DIAPH3: variants seen among roughly 807,000 people sequenced by gnomAD.
The protein encoded by DIAPH3 is protein diaphanous homolog 3.
In DIAPH3, 117 loss-of-function variants were observed where a neutral mutation model predicts 144.3. That is an observed-to-expected ratio of 0.81 (90% CI 0.70 to 0.95). The LOEUF (loss-of-function observed/expected upper bound fraction) is 0.95. Ranked by LOEUF, DIAPH3 falls within the 40% of genes least tolerant of loss-of-function variation. DIAPH3 has a pLI of 0.00. For synonymous variants in DIAPH3, 519 were observed against 488.9 expected, an observed-to-expected ratio of 1.06 and a Z score of -0.81; for missense variants, 1,421 against 1,412.7, an observed-to-expected ratio of 1.01 and a Z score of -0.09.
At position 60,139,022 on chromosome 13, in the gene DIAPH3, T is replaced by G. The variant is rs1462625191; in HGVS notation, c.181-6033A>C. 2.0e-5 allele frequency among the ~76,000 whole-genome samples: 3 copies of G among 152,318 alleles called. No individual in the cohort carries two copies. The East Asian group carries it at 5.8e-4, about 29-fold the overall frequency. On this transcript the variant is annotated intron_variant, in intron 1 of 27. Coordinates refer to ENST00000400324, the MANE Select transcript of DIAPH3 (RefSeq NM_001042517.2). ...ATAACATTTCTAGCCCACACACCTG[T>G]GTTTATCTTAACGTCAACACCAATT... is the stretch of plus-strand genomic sequence containing the variant.
chr13:60,129,156 G>A (rs2059071890), intron 2 of DIAPH3, among the ~76,000 whole-genome samples: 1 of 152,058 alleles, frequency 6.6e-6, no homozygotes, highest in Non-Finnish European at 1.5e-5. Flanking sequence ...CACACTGATG[G>A]ATAATTTAGC....
chr13:59,898,510 C>G (rs1381644090), intron 20 of DIAPH3, among the ~76,000 whole-genome samples: 2 of 152,046 alleles, frequency 1.3e-5, no homozygotes, highest in Non-Finnish European at 2.9e-5. Context: ...CCAGGCAAGC[C>G]TCAATAAGCC....
chr13:59,974,143 A>G (rs772965625), intron 15 of DIAPH3, among the ~76,000 whole-genome samples: 1 of 152,174 alleles, frequency 6.6e-6, no homozygotes, highest in Non-Finnish European at 1.5e-5. Context: ...CTAACAAAAC[A>G]TAAGAAAGCA....
chr13:60,138,065 C>T (rs906204687), intron 1 of DIAPH3, among the ~76,000 whole-genome samples: 1 of 152,206 alleles, frequency 6.6e-6, no homozygotes, highest in Middle Eastern at 3.4e-3. Flanking sequence ...GGATTACCAA[C>T]ATGAGGAAAA....
chr13:60,102,008 T>C (rs1197179038), intron 3 of DIAPH3, among the ~76,000 whole-genome samples: 1 of 152,204 alleles, frequency 6.6e-6, no homozygotes, highest in African/African-American at 2.4e-5. Flanking sequence ...GTGAAACTAC[T>C]ACTTCTGCCT....
chr13:59,724,040 T>C (rs1452222176), intron 27 of DIAPH3, among the ~76,000 whole-genome samples: 1 of 151,638 alleles, frequency 6.6e-6, no homozygotes, highest in Non-Finnish European at 1.5e-5. Flanking sequence ...TAGTTCTCTA[T>C]TATACACTGT....
intron 27 of DIAPH3, among the ~76,000 whole-genome samples, chr13:59,672,390 T>C (rs1464845742): frequency 6.6e-6 from 1 of 151,936 alleles, no homozygotes; most frequent in East Asian, 1.9e-4. Flanking sequence ...AATGTAGAAC[T>C]CTGGTGTCCT....
chr13:59,890,689 T>C (rs1237312037), intron 20 of DIAPH3, among the ~76,000 whole-genome samples: 1 of 151,808 alleles, frequency 6.6e-6, no homozygotes, highest in African/African-American at 2.4e-5. Context: ...TATACATATA[T>C]GTATGTATAT....
At chr13:59,879,944 TTAGA>T (rs1298538763) in intron 20 of DIAPH3, among the ~76,000 whole-genome samples, 3 of 152,098 alleles carry the variant, frequency 2.0e-5, no homozygotes, top group Non-Finnish European at 2.9e-5. Context: ...ACAGTATGTG[TTAGA>T]TAGAGGGAGA....
At chr13:59,708,604 T>C (rs2138809340) in intron 27 of DIAPH3, among the ~76,000 whole-genome samples, 1 of 152,266 alleles carries the variant, frequency 6.6e-6, no homozygotes, top group South Asian at 2.1e-4. Context: ...TCTCAGTGTT[T>C]TGTGTTTCCG....
At chr13:59,712,538 A>G (rs575175513) in intron 27 of DIAPH3, among the ~76,000 whole-genome samples, 1 of 152,160 alleles carries the variant, frequency 6.6e-6, no homozygotes, top group African/African-American at 2.4e-5. Flanking sequence ...CCAGCCATCG[A>G]CTCGGGCCCC....
intron 20 of DIAPH3, among the ~76,000 whole-genome samples, chr13:59,902,329 C>G (rs890391858): frequency 3.3e-5 from 5 of 152,116 alleles, no homozygotes; most frequent in African/African-American, 1.2e-4. Context: ...GTTGCACCCC[C>G]CTCCCACCTT....
At chr13:59,759,533 A>T (rs1023449408) in intron 27 of DIAPH3, among the ~76,000 whole-genome samples, 1 of 152,178 alleles carries the variant, frequency 6.6e-6, no homozygotes, top group African/African-American at 2.4e-5. Flanking sequence ...TCCTCAGCAG[A>T]TCAAGACTGC....
In DIAPH3 at chr13:59,900,969, C is replaced by T. The variant is rs183459755; in HGVS notation, c.2367+10766G>A. Among the ~76,000 whole-genome samples the T allele has an allele frequency of 3.0e-3, 455 of 152,310 alleles. 3 individuals are homozygous for T. Among genetic ancestry groups the T allele is most frequent in the African/African-American group, 9.6e-3 (399 of 41,568 alleles). ...CCCCAAATCCAATCTGTCAGAAACT[C>T]TAATTCACTATTTTCAAAATCATCC... On this transcript the variant is annotated intron_variant, in intron 20 of 27. Transcript: ENST00000400324.
intron 17 of DIAPH3, among the ~76,000 whole-genome samples, chr13:59,943,173 GTT>G (rs979376452): frequency 1.3e-5 from 2 of 152,136 alleles, no homozygotes; most frequent in African/African-American, 4.8e-5. Flanking sequence ...TTTAAAAAAA[GTT>G]TATTTTGGCA....
intron 27 of DIAPH3, among the ~76,000 whole-genome samples, chr13:59,723,574 T>A (rs553831294): frequency 8.5e-5 from 13 of 152,084 alleles, no homozygotes; most frequent in Admixed American, 3.3e-4. Context: ...TGTCTAAAGA[T>A]TCTTTGTTAA....
chr13:59,800,607 T>C (rs2039854129), intron 25 of DIAPH3, among the ~76,000 whole-genome samples: 1 of 152,188 alleles, frequency 6.6e-6, no homozygotes, highest in African/African-American at 2.4e-5. Context: ...AAACAGCATT[T>C]CCTCAGACTG....
intron 27 of DIAPH3, among the ~76,000 whole-genome samples, chr13:59,715,960 A>C (rs1018249084): frequency 6.6e-6 from 1 of 152,216 alleles, no homozygotes; most frequent in Non-Finnish European, 1.5e-5. Context: ...AAAGTTAAAA[A>C]AATTTTAAAG....
chr13:59,847,378 A>G (rs2042702687), intron 22 of DIAPH3, among the ~76,000 whole-genome samples: 2 of 152,204 alleles, frequency 1.3e-5, no homozygotes, highest in South Asian at 4.1e-4. Flanking sequence ...AATACAACCA[A>G]TTAAAGGCCC....
Sources: allele counts gnomAD v4.1 joint callset (sites outside exome capture counted in the v4.1 genomes callset), GRCh38; gene constraint gnomAD v4.1.1; transcripts MANE v1.5; gene names NCBI Gene and HGNC (gene_info 2026-07-23, HGNC 2026-07-21).